Variants in GCLC observed in about 807,000 individuals in gnomAD.
The protein encoded by GCLC is glutamate--cysteine ligase catalytic subunit.
In GCLC, 30 loss-of-function variants were observed where a neutral mutation model predicts 81.5. That is an observed-to-expected ratio of 0.37 (90% CI 0.28 to 0.50). The LOEUF is 0.50. GCLC is among the 20% of genes least tolerant of loss of function. GCLC has a pLI of 0.96. For missense variants in GCLC, 556 were observed against 777.4 expected (o/e 0.72, Z 3.39); for synonymous variants, 262 against 273.3 (o/e 0.96, Z 0.41).
At chr6:53,540,517 T>C (rs1319389545) in intron 1 of GCLC, among the ~76,000 whole-genome samples, 3 of 151,940 alleles carry the variant, frequency 2.0e-5, no homozygotes, top group Non-Finnish European at 2.9e-5. Context: ...GAGGGGAAAA[T>C]TGAGGAACTG....
chr6:53,499,484 A>G (rs1234947979), intron 15 of GCLC, among the ~76,000 whole-genome samples: 1 of 152,210 alleles, frequency 6.6e-6, no homozygotes, highest in African/African-American at 2.4e-5. Flanking sequence ...GTGACTCCAG[A>G]AAGTTTACAG....
chr6:53,500,219 G>A, intron 14 of GCLC, 28 bp downstream of exon 14: 1 of 1,613,000 alleles, frequency 6.2e-7, no homozygotes, highest in South Asian at 1.1e-5. Flanking sequence ...TGCACAGTGA[G>A]GGGTACTGTA....
At position 53,540,322 on chromosome 6, in the gene GCLC, C is replaced by CAAA. The variant is rs35612064; in HGVS notation, c.150+4171_150+4173dup. On this transcript the variant is annotated intron_variant, in intron 1 of 15. Coordinates refer to ENST00000650454, the MANE Select transcript of GCLC (RefSeq NM_001498.4). ...CAAGCAATGGAATATTATTCAGCCTCAAAAAAGAAAAAAAAAAAGAAAATC... is the reference window on the plus strand; with the variant it reads ...CAAGCAATGGAATATTATTCAGCCTCAAAAAAAAAGAAAAAAAAAAAGAAAATC... Among the ~76,000 whole-genome samples the CAAA allele has an allele frequency of 1.6e-4, 20 of 124,558 alleles. 1 individual carries two copies. Among genetic ancestry groups the CAAA allele is most frequent in the Admixed American group, 2.4e-4 (3 of 12,578 alleles). 81.7% of individuals were successfully genotyped at this position (124,558 alleles called of 152,430 possible).
intron 1 of GCLC, among the ~76,000 whole-genome samples, chr6:53,529,871 G>C (rs979257722): frequency 1.3e-5 from 2 of 152,220 alleles, no homozygotes; most frequent in African/African-American, 4.8e-5. Context: ...GAGAGTTTAG[G>C]GCTTTAGCAT....
chr6:53,543,532 C>T (rs977819890), intron 1 of GCLC, among the ~76,000 whole-genome samples: 5 of 151,456 alleles, frequency 3.3e-5, no homozygotes, highest in African/African-American at 1.2e-4. Flanking sequence ...TTGATAACAA[C>T]ACTGGCCAAA....
intron 3 of GCLC, among the ~76,000 whole-genome samples, chr6:53,518,401 C>A (rs550141808): frequency 6.6e-6 from 1 of 152,258 alleles, no homozygotes; most frequent in African/African-American, 2.4e-5. Context: ...CAGGCGCATG[C>A]CACCATACCT....
intron 9 of GCLC, 124 bp downstream of exon 9, chr6:53,507,356 G>A (rs1230951163): frequency 3.2e-5 from 29 of 907,782 alleles, no homozygotes; most frequent in Non-Finnish European, 1.1e-5. Flanking sequence ...GTAGCCTCAT[G>A]AGAGAAGTTA....
intron 1 of GCLC, among the ~76,000 whole-genome samples, chr6:53,543,922 A>G (rs1298396910): frequency 2.0e-5 from 3 of 152,234 alleles, no homozygotes; most frequent in Non-Finnish European, 4.4e-5. Flanking sequence ...TCCCCCATGT[A>G]GGAAACTGAG....
chr6:53,534,482 A>G (rs900163212), intron 1 of GCLC, among the ~76,000 whole-genome samples: 3 of 150,572 alleles, frequency 2.0e-5, no homozygotes, highest in African/African-American at 7.5e-5. Context: ...AAAACCAAAA[A>G]ACAAAAAAAA....
chr6:53,511,876 C>A (rs1411514171), intron 6 of GCLC, among the ~76,000 whole-genome samples: 2 of 98,014 alleles, frequency 2.0e-5, no homozygotes, highest in East Asian at 5.8e-4. Flanking sequence ...TATCTACAAC[C>A]CAGATTTGAA....
chr6:53,514,586 A>T, intron 4 of GCLC, 89 bp from the exon 5 acceptor site: 1 of 913,220 alleles, frequency 1.1e-6, no homozygotes, highest in African/African-American at 1.6e-5. Context: ...AAGTGGAATG[A>T]AATCATACCT....
In GCLC at chr6:53,506,784, T is replaced by C. The variant is rs1764623506; in HGVS notation, c.1197+129A>G. ...AATGAAAGTCTTATGAAATTTCTTT[T>C]GTGTTCTCCACAGGTACAGAAAACT... is the stretch of plus-strand genomic sequence containing the variant. On this transcript the variant is annotated intron_variant, in intron 10 of 15. Coordinates refer to ENST00000650454, the MANE Select transcript of GCLC (RefSeq NM_001498.4). This position sits in a 1 kb window ranked among gnomAD's most constrained non-coding sequence, Gnocchi z 4.0. 1 of 674,890 alleles carries C rather than the reference T, an allele frequency of 1.5e-6. No individual in the cohort carries two copies. The highest frequency in any genetic ancestry group is 2.7e-6 in the Non-Finnish European group (1 of 370,606). The allele number at this position is 674,890 out of a possible 1,614,324, so 41.8% of individuals were successfully genotyped here. A position where few individuals can be genotyped will look rare whatever the true frequency, so the allele number is the denominator to read the frequency against.
chr6:53,521,499 G>C lies in GCLC; in HGVS notation c.264-539C>G, dbSNP rs1762994360. Among the ~76,000 whole-genome samples the C allele has an allele frequency of 2.0e-5, 3 of 152,126 alleles. No individual in the cohort carries two copies. The South Asian group carries it at 6.2e-4, about 32-fold the overall frequency. ...TGAAAATGCACACAGAGCACTCACT[G>C]TCCAGGACAAACTAACCTACTCTGC... On this transcript the variant is annotated intron_variant, in intron 2 of 15. Transcript: ENST00000650454.
chr6:53,514,115 T>G (rs1764811036), intron 6 of GCLC, 89 bp downstream of exon 6: 3 of 1,274,748 alleles, frequency 2.4e-6, no homozygotes, highest in Non-Finnish European at 3.4e-6. Context: ...TAAAATGTGA[T>G]TTTTGGAACA....
At chr6:53,541,289 G>A (rs150413747) in intron 1 of GCLC, among the ~76,000 whole-genome samples, 204 of 152,286 alleles carry the variant, frequency 1.3e-3, no homozygotes, top group Middle Eastern at 3.4e-3. Context: ...GATCAAGGGC[G>A]GGAGGTAGAA....
chr6:53,499,500 T>G (rs1024814255), intron 15 of GCLC, among the ~76,000 whole-genome samples: 1 of 152,200 alleles, frequency 6.6e-6, no homozygotes, highest in Admixed American at 6.5e-5. Flanking sequence ...TACAGAAGCC[T>G]TGAGTTAAAT....
chr6:53,499,047 A>T, intron 15 of GCLC, 80 bp from the exon 16 acceptor site: 1 of 855,122 alleles, frequency 1.2e-6, no homozygotes, highest in Non-Finnish European at 2.0e-6. Context: ...AGTGGTCAGC[A>T]TAAACACAAT....
intron 1 of GCLC, among the ~76,000 whole-genome samples, chr6:53,540,916 A>G (rs1289197466): frequency 6.6e-6 from 1 of 152,162 alleles, no homozygotes; most frequent in Non-Finnish European, 1.5e-5. Context: ...CTCTGCATAT[A>G]AGAGATGTAG....
intron 1 of GCLC, among the ~76,000 whole-genome samples, chr6:53,542,268 T>C (rs1027434216): frequency 2.0e-5 from 3 of 152,208 alleles, no homozygotes; most frequent in Admixed American, 6.5e-5. Flanking sequence ...CTCTCCTTTA[T>C]AGATGCATAA....
Sources: gnomAD v4.1 joint callset for allele counts (sites outside exome capture counted in the v4.1 genomes callset) on GRCh38, gnomAD v4.1.1 for gene constraint, Gnocchi (gnomAD v3.1) non-coding constraint, MANE v1.5 for transcripts, NCBI Gene and HGNC (gene_info 2026-07-23, HGNC 2026-07-21) for gene names.